Variants in URGCP observed in about 807,000 individuals in gnomAD.
URGCP encodes the protein upregulator of cell proliferation.
Under a neutral mutation model 24.6 loss-of-function variants are expected in URGCP, and 13 were observed. The ratio of observed to expected loss-of-function variants is 0.53; its 90% confidence interval spans 0.34 to 0.84. The LOEUF (loss-of-function observed/expected upper bound fraction) is 0.84. URGCP is among the 40% of genes least tolerant of loss of function. The pLI is 0.01. For missense variants in URGCP, 899 were observed against 1,194.3 expected (o/e 0.75, Z 3.64); for synonymous variants, 444 against 487.2 (o/e 0.91, Z 1.17).
chr7:43,897,881 A>G (rs1456577999), intron 1 of URGCP, among the ~76,000 whole-genome samples: 1 of 152,236 alleles, frequency 6.6e-6, no homozygotes, highest in East Asian at 1.9e-4. Flanking sequence ...GTCTACAGAC[A>G]CAAGCCAAAA....
chr7:43,919,436 C>A, intron 1 of URGCP: 1 of 920,726 alleles, frequency 1.1e-6, no homozygotes, highest in Non-Finnish European at 1.8e-6. Flanking sequence ...TGCGCTACCC[C>A]AGCTACATGG....
At chr7:43,885,712 T>C (rs2132664532) in intron 3 of URGCP, among the ~76,000 whole-genome samples, 1 of 152,254 alleles carries the variant, frequency 6.6e-6, no homozygotes, top group East Asian at 1.9e-4. Flanking sequence ...TTCCCTCTCC[T>C]CGCCCCATCC....
chr7:43,901,451 C>G (rs2095890503), intron 1 of URGCP, among the ~76,000 whole-genome samples: 1 of 152,236 alleles, frequency 6.6e-6, no homozygotes, highest in Admixed American at 6.5e-5. Flanking sequence ...GCGTAGGGAA[C>G]ACTCTGGGTG....
intron 1 of URGCP, among the ~76,000 whole-genome samples, chr7:43,894,470 T>C (rs1052845032): frequency 1.3e-4 from 20 of 152,132 alleles, no homozygotes; most frequent in Non-Finnish European, 2.2e-4. Context: ...CACCTCAGCC[T>C]CCCAAGTAGC....
chr7:43,878,319 T>C lies in URGCP; in HGVS notation c.1144A>G (p.Lys382Glu), dbSNP rs1250153088. ...LLYSMKESTT[K>E]YYFILSPYRG... ...TAGGGACTCAGGATGAAGTAGTATT[T>C]TGTGGTTGACTCCTTCATGGAGTAC... Residue 382 changes from lysine (K) to glutamate (E), a missense_variant, in exon 6 of 6, where the codon AAA becomes GAA. By Grantham distance (56) the Lys-to-Glu change is moderately conservative. Transcript: ENST00000453200. This position sits in a 1 kb window ranked among gnomAD's most constrained non-coding sequence, Gnocchi z 5.6. 1 of 1,614,104 alleles carries C rather than the reference T, an allele frequency of 6.2e-7. No homozygotes were observed. The highest frequency in any genetic ancestry group is 8.5e-7 in the Non-Finnish European group (1 of 1,180,044).
chr7:43,902,398 C>T (rs1434709573), intron 1 of URGCP, among the ~76,000 whole-genome samples: 1 of 152,190 alleles, frequency 6.6e-6, no homozygotes, highest in Non-Finnish European at 1.5e-5. Context: ...CAGCCCCACT[C>T]GGACCCCACA....
chr7:43,880,605 GT>G (rs2132652549), intron 5 of URGCP, among the ~76,000 whole-genome samples: 1 of 152,266 alleles, frequency 6.6e-6, no homozygotes, highest in African/African-American at 2.4e-5. Flanking sequence ...CACTTGGCTA[GT>G]TTTTGTATGT....
intron 3 of URGCP, among the ~76,000 whole-genome samples, chr7:43,883,358 A>ATTT (rs1490751876): frequency 0.014 from 1,322 of 95,566 alleles, 19 homozygotes; most frequent in Non-Finnish European, 0.021. Flanking sequence ...ATATATATAT[A>ATTT]TATATTTTTT....
rs560773030 is a variant in URGCP, at chr7:43,886,421, C to A, written c.112+994G>T. 2.6e-5 allele frequency among the ~76,000 whole-genome samples: 4 copies of A among 151,804 alleles called. No homozygotes were observed. The East Asian group carries it at 7.7e-4, about 29-fold the overall frequency. ...ACATAGTTTATTTTTTTAGCACATT[C>A]ATTTTAAGAAGAACCTAATTTATGA... On this transcript the variant is annotated intron_variant, in intron 3 of 5. Transcript: ENST00000453200.
At chr7:43,914,757 TTTTA>T (rs1472178420) in intron 1 of URGCP, among the ~76,000 whole-genome samples, 3 of 152,154 alleles carry the variant, frequency 2.0e-5, no homozygotes, top group Non-Finnish European at 4.4e-5. Flanking sequence ...CCAGTGCATT[TTTTA>T]TTTGTTATTA....
At position 43,878,083 on chromosome 7, in the gene URGCP, T is replaced by C. The variant is rs773435832; in HGVS notation, c.1380A>G (p.Leu460=). The C allele has an allele frequency of 6.2e-7, 1 of 1,614,244 alleles. No homozygotes were observed. Among genetic ancestry groups the C allele is most frequent in the South Asian group, 1.1e-5 (1 of 91,084 alleles). The change falls in exon 6 of 6, where the codon CTA becomes CTG. Residue 460 remains leucine (L), a synonymous_variant. Coordinates refer to ENST00000453200, the MANE Select transcript of URGCP (RefSeq NM_001077663.3). The surrounding 1 kb of genome is among the most constrained non-coding windows in gnomAD (Gnocchi z 5.6). ...DMAHAARKLG[L]KVDEDCEECQ... Reference sequence around the variant, plus strand: ...ACTCCTCACAGTCCTCGTCGACCTTTAGGCCCAGTTTGCGGGCTGCGTGCG... The same window carrying C: ...ACTCCTCACAGTCCTCGTCGACCTTCAGGCCCAGTTTGCGGGCTGCGTGCG...
In URGCP at chr7:43,877,316, C is replaced by T. The variant is rs367765938; in HGVS notation, c.2147G>A (p.Arg716Gln). 6.2e-6 allele frequency: 10 copies of T among 1,613,110 alleles called. No homozygotes were observed. Among genetic ancestry groups the T allele is most frequent in the South Asian group, 4.4e-5 (4 of 91,088 alleles). Reference sequence around the variant, plus strand: ...ACCGCAGCTCTTCCCTGTGGCAAACCGCAGCCCAAACATGGTGTTGAGGAG... The same window carrying T: ...ACCGCAGCTCTTCCCTGTGGCAAACTGCAGCCCAAACATGGTGTTGAGGAG... ...STLLNTMFGL[R>Q]FATGKSCGPR... Residue 716 changes from arginine (R) to glutamine (Q), a missense_variant, in exon 6 of 6, where the codon CGG becomes CAG. Transcript: ENST00000453200.
chr7:43,900,481 A>AAAAAAG (rs1554291219), intron 1 of URGCP, among the ~76,000 whole-genome samples: 4,213 of 147,454 alleles, frequency 0.029, 196 homozygotes, highest in African/African-American at 0.1. Context: ...AAAAAAAAAA[A>AAAAAAG]AAAAAGAAAA....
intron 1 of URGCP, among the ~76,000 whole-genome samples, chr7:43,901,589 T>TG (rs2095890754): frequency 6.6e-6 from 1 of 152,250 alleles, no homozygotes; most frequent in Non-Finnish European, 1.5e-5. Flanking sequence ...AGGGTCCTGC[T>TG]GGACTTCTCC....
intron 1 of URGCP, among the ~76,000 whole-genome samples, chr7:43,894,405 G>A (rs969782413): frequency 6.6e-6 from 1 of 152,156 alleles, no homozygotes; most frequent in Non-Finnish European, 1.5e-5. Context: ...CTGATGTGCA[G>A]TAGTACCATC....
intron 1 of URGCP, among the ~76,000 whole-genome samples, chr7:43,899,993 A>T (rs949245570): frequency 6.6e-6 from 1 of 152,068 alleles, no homozygotes; most frequent in Non-Finnish European, 1.5e-5. Context: ...CTTAAAATCC[A>T]CAATAGCCAG....
exon 1 of URGCP, chr7:43,926,353 C>A (rs2095930367): frequency 3.2e-6 from 1 of 316,018 alleles, no homozygotes; most frequent in Non-Finnish European, 5.2e-6. Context: ...CGGGCAGCCC[C>A]GCTGCTTCCC....
At chr7:43,900,829 C>T (rs1374567974) in intron 1 of URGCP, among the ~76,000 whole-genome samples, 3 of 152,182 alleles carry the variant, frequency 2.0e-5, no homozygotes, top group Non-Finnish European at 2.9e-5. Flanking sequence ...TTGAAGGTAT[C>T]GTCCACTCTG....
At chr7:43,920,795 C>T (rs1585842248) in intron 1 of URGCP, among the ~76,000 whole-genome samples, 1 of 152,080 alleles carries the variant, frequency 6.6e-6, no homozygotes. Flanking sequence ...CTCTGTTTTT[C>T]TCATGAAAAC....
Sources: allele counts gnomAD v4.1 joint callset (sites outside exome capture counted in the v4.1 genomes callset), GRCh38; gene constraint gnomAD v4.1.1; non-coding constraint Gnocchi (gnomAD v3.1); transcripts MANE v1.5; gene names NCBI Gene and HGNC (gene_info 2026-07-23, HGNC 2026-07-21).